The following SLC25A24 variants were observed in gnomAD, a reference collection of about 807,000 sequenced individuals.
SLC25A24 encodes the protein mitochondrial adenyl nucleotide antiporter SLC25A24.
In SLC25A24, 49 loss-of-function variants were observed where a neutral mutation model predicts 60.7. The ratio of observed to expected loss-of-function variants is 0.81; its 90% CI spans 0.64 to 1.02. SLC25A24 has a LOEUF of 1.02. Among genes scored for constraint, SLC25A24 ranks in the 50% least tolerant of loss-of-function variants. SLC25A24 has a pLI of 0.00. For missense variants in SLC25A24, 564 were observed against 586.3 expected, an observed-to-expected ratio of 0.96 and a Z score of 0.39; for synonymous variants, 202 against 200.6, an observed-to-expected ratio of 1.01 and a Z score of -0.06.
chr1:108,161,340 TAAAAC>T, intron 3 of SLC25A24, 47 bp from the exon 4 acceptor site: 1 of 961,796 alleles, frequency 1.0e-6, no homozygotes, highest in Admixed American at 1.9e-5. Context: ...AATTGATAAA[TAAAAC>T]TAACATTATT....
In SLC25A24 at chr1:108,155,009, C is replaced by T; in HGVS notation, c.796G>A (p.Ala266Thr). The change falls in exon 6 of 10, where the codon GCT becomes ACT. Residue 266 changes from alanine to threonine, a missense_variant. Physicochemically the swap from Ala to Thr is moderately conservative, Grantham distance 58. Transcript: ENST00000565488. ...TNVIKIAPET[A>T]VKFWAYEQYK... ...TGTTCATATGCCCAGAATTTAACAG[C>T]TGTCTCAGGAGCAATTTTGATGACG... 6.2e-7 allele frequency: 1 copy of T among 1,608,028 alleles called. No individual in the cohort carries two copies. The highest frequency in any genetic ancestry group is 8.5e-7 in the Non-Finnish European group (1 of 1,177,272).
chr1:108,192,397 T>A lies in SLC25A24; in HGVS notation c.184-6443A>T, dbSNP rs1648370564. On this transcript the variant is annotated intron_variant, in intron 1 of 9. Transcript: ENST00000565488. ...ACCTGAACACTGCAGTGGGCCCAGGTCAAGCTTGACAACATGTAAATTTTG... is the reference window on the plus strand; with the variant it reads ...ACCTGAACACTGCAGTGGGCCCAGGACAAGCTTGACAACATGTAAATTTTG... 3 of 858,544 alleles carry A rather than the reference T, an allele frequency of 3.5e-6. 1 individual carries two copies. The African/African-American group carries it at 4.9e-5, about 14-fold the overall frequency. 53.2% of individuals were successfully genotyped at this position (858,544 alleles called of 1,614,324 possible).
chr1:108,173,946 G>A (rs1378237124), intron 3 of SLC25A24, among the ~76,000 whole-genome samples: 7 of 152,106 alleles, frequency 4.6e-5, no homozygotes, highest in Admixed American at 4.6e-4. Context: ...AGATGATTTG[G>A]GGTATCAGGC....
At chr1:108,158,920 G>T (rs960832608) in intron 4 of SLC25A24, among the ~76,000 whole-genome samples, 3 of 152,016 alleles carry the variant, frequency 2.0e-5, no homozygotes, top group Admixed American at 2.0e-4. Flanking sequence ...GGAGAATGGC[G>T]TGAACCCCGG....
chr1:108,179,143 A>G (rs572755286), intron 3 of SLC25A24, among the ~76,000 whole-genome samples: 17 of 151,084 alleles, frequency 1.1e-4, no homozygotes, highest in African/African-American at 4.1e-4. Flanking sequence ...AAAAAGCTCG[A>G]TATCACTAAT....
chr1:108,147,837 T>C lies in SLC25A24; in HGVS notation c.930+442A>G, dbSNP rs578134311. 2.2e-4 allele frequency among the ~76,000 whole-genome samples: 34 copies of C among 152,278 alleles called. No individual in the cohort carries two copies. The South Asian group carries it at 7.1e-3, about 32-fold the overall frequency. ...CTCCTACACTCTACCAGGGTTGGTCTGTGTGATCAATGGAATACAGCAGAA... is the reference window on the plus strand; with the variant it reads ...CTCCTACACTCTACCAGGGTTGGTCCGTGTGATCAATGGAATACAGCAGAA... On this transcript the variant is annotated intron_variant, in intron 7 of 9. Transcript: ENST00000565488.
In SLC25A24 at chr1:108,143,673, T is replaced by C. The variant is rs1679508765; in HGVS notation, c.968A>G (p.Gln323Arg). Residue 323 changes from glutamine to arginine, a missense_variant, in exon 8 of 10, where the codon CAG (glutamine) becomes CGG (arginine). Physicochemically the swap from Gln to Arg is conservative, Grantham distance 43 (BLOSUM62 1). Transcript: ENST00000565488. ...GGCACAATCATATATTCCAGAGTACTGCCCAGTTTTGCCTACAGCCAGCCT... is the reference window on the plus strand; with the variant it reads ...GGCACAATCATATATTCCAGAGTACCGCCCAGTTTTGCCTACAGCCAGCCT... ...KTRLAVGKTG[Q>R]YSGIYDCAKK... 6.2e-7 allele frequency: 1 copy of C among 1,612,958 alleles called. No homozygotes were observed. Among genetic ancestry groups the C allele is most frequent in the Non-Finnish European group, 8.5e-7 (1 of 1,179,634 alleles).
At chr1:108,143,047 C>T (rs1679484559) in intron 8 of SLC25A24, among the ~76,000 whole-genome samples, 1 of 152,144 alleles carries the variant, frequency 6.6e-6, no homozygotes, top group Admixed American at 6.6e-5. Context: ...TTCTTCAAGG[C>T]ACACATTGAG....
intron 1 of SLC25A24, among the ~76,000 whole-genome samples, chr1:108,195,388 C>A (rs1648463421): frequency 6.6e-6 from 1 of 152,154 alleles, no homozygotes; most frequent in Admixed American, 6.5e-5. Context: ...GGAAAGGTGA[C>A]AAAAGGCTTA....
intron 4 of SLC25A24, among the ~76,000 whole-genome samples, chr1:108,158,396 CCCTT>C (rs1368758854): frequency 6.6e-6 from 1 of 152,138 alleles, no homozygotes; most frequent in African/African-American, 2.4e-5. Context: ...TAGTAACCCT[CCCTT>C]CCTTCATTTT....
chr1:108,144,198 T>C (rs1403032535), intron 7 of SLC25A24, among the ~76,000 whole-genome samples: 1 of 152,156 alleles, frequency 6.6e-6, no homozygotes, highest in Non-Finnish European at 1.5e-5. Context: ...AAAAAAGCTG[T>C]ATTAGCATGC....
Position 108,200,233 on chromosome 1 carries a change from G to C in SLC25A24, c.-95C>G. On this transcript the variant is annotated 5_prime_UTR_variant, in exon 1 of 10. Coordinates refer to ENST00000565488, the MANE Select transcript of SLC25A24 (RefSeq NM_013386.5). Reference sequence around the variant, plus strand: ...ACCAGCGCGAGGCCGGGCTGGGCGGGGCGCGCGGCGCAACAGCGTTTGGGG... The same window carrying C: ...ACCAGCGCGAGGCCGGGCTGGGCGGCGCGCGCGGCGCAACAGCGTTTGGGG... 1 of 1,259,146 alleles carries C rather than the reference G, an allele frequency of 7.9e-7. No homozygotes were observed. Among genetic ancestry groups the C allele is most frequent in the South Asian group, 1.7e-5 (1 of 57,194 alleles). 78.0% of individuals were successfully genotyped at this position (1,259,146 alleles called of 1,614,324 possible). A position where few individuals can be genotyped will look rare whatever the true frequency, so the allele number is the denominator to read the frequency against.
At chr1:108,147,362 C>T (rs1679633086) in intron 7 of SLC25A24, among the ~76,000 whole-genome samples, 1 of 152,156 alleles carries the variant, frequency 6.6e-6, no homozygotes, top group South Asian at 2.1e-4. Context: ...ATAAAAACAG[C>T]TCCTGGATTC....
At chr1:108,171,641 C>T (rs1242813375) in intron 3 of SLC25A24, among the ~76,000 whole-genome samples, 4 of 152,128 alleles carry the variant, frequency 2.6e-5, no homozygotes, top group South Asian at 4.1e-4. Flanking sequence ...ATTATTGCAA[C>T]GTGGTGGACA....
intron 1 of SLC25A24, 29 bp downstream of exon 1, chr1:108,199,927 G>C: frequency 1.9e-6 from 3 of 1,573,470 alleles, no homozygotes; most frequent in Non-Finnish European, 2.6e-6. Flanking sequence ...CCCTCCCTAC[G>C]CTCAGGCGGC....
chr1:108,185,984 G>A (rs1185548257), intron 1 of SLC25A24, 30 bp from the exon 2 acceptor site: 1 of 1,502,938 alleles, frequency 6.7e-7, no homozygotes, highest in South Asian at 1.3e-5. Context: ...AGAAGTTATT[G>A]CCAATATGGG....
intron 9 of SLC25A24, among the ~76,000 whole-genome samples, chr1:108,137,097 A>G (rs1390035359): frequency 1.3e-5 from 2 of 152,122 alleles, no homozygotes; most frequent in Non-Finnish European, 2.9e-5. Context: ...TTCCATACCA[A>G]TCTTGCAAGG....
At chr1:108,198,195 T>C (rs913504461) in intron 1 of SLC25A24, among the ~76,000 whole-genome samples, 2 of 152,182 alleles carry the variant, frequency 1.3e-5, no homozygotes, top group African/African-American at 4.8e-5. Context: ...CTTTATAAAT[T>C]ACCCTGTCTC....
intron 1 of SLC25A24, 168 bp downstream of exon 1, chr1:108,199,788 C>T (rs1463819743): frequency 3.5e-5 from 21 of 604,440 alleles, no homozygotes; most frequent in Non-Finnish European, 6.1e-5. Flanking sequence ...CCGGGGTCGC[C>T]GGTCGCGGCC....
Sources: gnomAD v4.1 joint callset for allele counts (sites outside exome capture counted in the v4.1 genomes callset) on GRCh38, gnomAD v4.1.1 for gene constraint, MANE v1.5 for transcripts, NCBI Gene and HGNC (gene_info 2026-07-23, HGNC 2026-07-21) for gene names.